The following MYRF variants were observed in gnomAD, a reference collection of about 807,000 sequenced individuals.
The protein encoded by MYRF is myelin regulatory factor.
A neutral mutation model predicts 126.3 loss-of-function variants in MYRF; 16 were observed. That is an observed-to-expected ratio of 0.13 (90% CI 0.09 to 0.19). The LOEUF is 0.19. Ranked by LOEUF, MYRF falls within the 10% of genes least tolerant of loss-of-function variation. The probability of loss-of-function intolerance (pLI) is 1.00; values close to 1 mark genes in which losing one functional copy is unlikely to be tolerated. For synonymous variants in MYRF, 608 were observed against 635.3 expected, an observed-to-expected ratio of 0.96 and a Z score of 0.65; for missense variants, 1,104 against 1,547.0, an observed-to-expected ratio of 0.71 and a Z score of 4.80.
At chr11:61,773,863 G>T (rs2066294088) in intron 7 of MYRF, 104 bp from the exon 8 acceptor site, 1 of 900,826 alleles carries the variant, frequency 1.1e-6, no homozygotes, top group East Asian at 2.6e-5. Flanking sequence ...GAGGATGCAG[G>T]GGTGTGGTGT....
rs1401819663 is a variant in MYRF at position 61,770,439 on chromosome 11, C to T, written c.654C>T (p.Ala218=). ...AGCCCCCGATCCCCCACTACGCTGC[C>T]ATGGGGCAGGGGCTGGTGCCCACTG... ...KAEPPIPHYA[A]MGQGLVPTDL... is the part of the protein sequence containing the mutation. Residue 218 remains alanine (A), a synonymous_variant, in exon 5 of 27, where the codon GCC becomes GCT. Coordinates refer to ENST00000278836, the MANE Select transcript of MYRF (RefSeq NM_001127392.3). The T allele has an allele frequency of 6.4e-7, 1 of 1,559,812 alleles. No individual in the cohort carries two copies. Among genetic ancestry groups the T allele is most frequent in the Admixed American group, 1.9e-5 (1 of 52,408 alleles).
intron 2 of MYRF, 80 bp downstream of exon 2, chr11:61,765,792 G>C: frequency 6.8e-7 from 1 of 1,479,564 alleles, no homozygotes; most frequent in Admixed American, 1.9e-5. Context: ...AGGTCTGAGG[G>C]CCGGACCTGG....
At chr11:61,760,106 T>C (rs1210049866) in intron 1 of MYRF, among the ~76,000 whole-genome samples, 1 of 151,978 alleles carries the variant, frequency 6.6e-6, no homozygotes, top group Non-Finnish European at 1.5e-5. Context: ...GTAGCTGGGA[T>C]TACAGGCACG....
chr11:61,786,001 G>A lies in MYRF; in HGVS notation c.3376-62G>A. On this transcript the variant is annotated intron_variant, in intron 26 of 26. Coordinates refer to ENST00000278836, the MANE Select transcript of MYRF (RefSeq NM_001127392.3). The surrounding 1 kb of genome is among the most constrained non-coding windows in gnomAD (Gnocchi z 4.5). ...GGCACAGTGTCAAGCAATGTCAGCA[G>A]GGAGTGCCATCTGCCCCGCACCCCC... The A allele has an allele frequency of 6.4e-7, 1 of 1,568,422 alleles. No individual in the cohort carries two copies. The highest frequency in any genetic ancestry group is 1.1e-5 in the South Asian group (1 of 90,126).
chr11:61,764,291 T>C (rs1229251983), intron 1 of MYRF, among the ~76,000 whole-genome samples: 1 of 152,198 alleles, frequency 6.6e-6, no homozygotes, highest in African/African-American at 2.4e-5. Flanking sequence ...CCCAGGGCTC[T>C]GGGGCTGGGA....
rs529469369 is a variant in MYRF, at chr11:61,774,509, G to A, written c.1311+347G>A. On this transcript the variant is annotated intron_variant, in intron 8 of 26. Coordinates refer to ENST00000278836, the MANE Select transcript of MYRF (RefSeq NM_001127392.3). Reference sequence around the variant, plus strand: ...CTGCACTCCAGCCTGGCAACAGAGCGGGACTTCATCTCAAAAAAAAAAAAG... The same window carrying A: ...CTGCACTCCAGCCTGGCAACAGAGCAGGACTTCATCTCAAAAAAAAAAAAG... 2.1e-3 allele frequency among the ~76,000 whole-genome samples: 313 copies of A among 148,786 alleles called. 1 individual carries two copies. The highest frequency in any genetic ancestry group is 4.3e-3 in the African/African-American group (177 of 40,788).
In MYRF at chr11:61,771,631, G is replaced by A. The variant is rs762351220; in HGVS notation, c.872G>A (p.Arg291Gln). 27 of 1,613,766 alleles carry A rather than the reference G, an allele frequency of 1.7e-5. No individual in the cohort carries two copies. Among genetic ancestry groups the A allele is most frequent in the South Asian group, 1.3e-4 (12 of 91,086 alleles). Residue 291 changes from arginine to glutamine, a missense_variant, in exon 6 of 27, where the codon CGA becomes CAA. Coordinates refer to ENST00000278836, the MANE Select transcript of MYRF (RefSeq NM_001127392.3). ...TVTALPLHPT[R>Q]APSPPWPPQG... is the part of the protein sequence containing the mutation. ...ACAGCCCTGCCTCTGCACCCCACTC[G>A]AGCCCCATCGCCACCCTGGCCTCCC...
At chr11:61,763,528 AC>A (rs927359264) in intron 1 of MYRF, among the ~76,000 whole-genome samples, 2 of 152,186 alleles carry the variant, frequency 1.3e-5, no homozygotes, top group African/African-American at 4.8e-5. Flanking sequence ...TGAGTAACAC[AC>A]CGCAGGTGAA....
intron 1 of MYRF, among the ~76,000 whole-genome samples, chr11:61,753,041 C>G (rs2065650076): frequency 6.6e-6 from 1 of 152,096 alleles, no homozygotes; most frequent in African/African-American, 2.4e-5. Flanking sequence ...TGTCCCCTTC[C>G]AGGTCCGGAC....
At chr11:61,765,212 C>T (rs1354739614) in intron 1 of MYRF, among the ~76,000 whole-genome samples, 1 of 152,234 alleles carries the variant, frequency 6.6e-6, no homozygotes, top group African/African-American at 2.4e-5. Context: ...TGGGCACCCA[C>T]GGGGCTCTCG....
Position 61,757,410 on chromosome 11 carries a change from G to A in MYRF, c.46+4620G>A, listed in dbSNP as rs1299704637. On this transcript the variant is annotated intron_variant, in intron 1 of 26. Transcript: ENST00000278836. This position sits in a 1 kb window ranked among gnomAD's most constrained non-coding sequence, Gnocchi z 4.7. ...GTAATGGCAGGGCCTCCGTCCCAGGGTTTCTGGGGTGATTAGGTAAGATTG... is the reference window on the plus strand; with the variant it reads ...GTAATGGCAGGGCCTCCGTCCCAGGATTTCTGGGGTGATTAGGTAAGATTG... 1 of 451,984 alleles carries A rather than the reference G, an allele frequency of 2.2e-6. No homozygotes were observed. Among genetic ancestry groups the A allele is most frequent in the Non-Finnish European group, 4.5e-6 (1 of 223,640 alleles). The allele number at this position is 451,984 out of a possible 1,614,324, so 28.0% of individuals were successfully genotyped here.
At chr11:61,755,585 G>T (rs1020793417) in intron 1 of MYRF, 3 of 1,053,720 alleles carry the variant, frequency 2.8e-6, no homozygotes, top group Non-Finnish European at 4.3e-6. Flanking sequence ...TCTGTGCCTG[G>T]CAGGGAACCC....
chr11:61,774,601 A>G (rs2066324131), intron 8 of MYRF, among the ~76,000 whole-genome samples: 1 of 149,232 alleles, frequency 6.7e-6, no homozygotes, highest in Non-Finnish European at 1.5e-5. Flanking sequence ...CCCCACTGCT[A>G]CTGCCACCCC....
chr11:61,765,056 C>T (rs2066015974), intron 1 of MYRF, among the ~76,000 whole-genome samples: 1 of 152,220 alleles, frequency 6.6e-6, no homozygotes, highest in Admixed American at 6.5e-5. Flanking sequence ...AGGAGACTCC[C>T]ACAGCCCTGT....
Position 61,779,502 on chromosome 11 carries a change from G to A in MYRF, c.2179G>A (p.Ala727Thr). 6.5e-7 allele frequency: 1 copy of A among 1,528,024 alleles called. No homozygotes were observed. Among genetic ancestry groups the A allele is most frequent in the Non-Finnish European group, 8.8e-7 (1 of 1,135,164 alleles). 94.7% of individuals were successfully genotyped at this position (1,528,024 alleles called of 1,614,324 possible). A position where few individuals can be genotyped will look rare whatever the true frequency, so the allele number is the denominator to read the frequency against. The change falls in exon 16 of 27, where the codon GCA becomes ACA. Residue 727 changes from alanine to threonine, a missense_variant. By Grantham distance (58) the Ala-to-Thr change is moderately conservative. Coordinates refer to ENST00000278836, the MANE Select transcript of MYRF (RefSeq NM_001127392.3). Reference protein sequence around the residue: ...STGSSGAFSHAGSQFSRAGSV... With the variant: ...STGSSGAFSHTGSQFSRAGSV... The stretch of plus-strand genomic sequence containing the variant: ...ATCCTGGCCCTCTTGCTGCAGCCAT[G>A]CAGGGAGCCAGTTCAGTCGGGCGGG...
At chr11:61,774,794 T>C (rs535661760) in intron 8 of MYRF, among the ~76,000 whole-genome samples, 1 of 151,480 alleles carries the variant, frequency 6.6e-6, no homozygotes, top group South Asian at 2.1e-4. Flanking sequence ...CCTGACTCTG[T>C]GCCTCCTTGC....
At position 61,770,242 on chromosome 11, in the gene MYRF, G is replaced by T. The variant is rs755451940; in HGVS notation, c.461-4G>T. On this transcript the variant is annotated splice_region_variant and splice_polypyrimidine_tract_variant and intron_variant, in intron 4 of 26. Coordinates refer to ENST00000278836, the MANE Select transcript of MYRF (RefSeq NM_001127392.3). ...AGATGCCCGCTCCCCCATCTCTCCTGCAGAGCCCCACCTCCTGCGCACGAT... is the reference window on the plus strand; with the variant it reads ...AGATGCCCGCTCCCCCATCTCTCCTTCAGAGCCCCACCTCCTGCGCACGAT... 1 of 1,600,330 alleles carries T rather than the reference G, an allele frequency of 6.2e-7. No homozygotes were observed.
At chr11:61,780,574 G>C in intron 18 of MYRF, 138 bp from the exon 19 acceptor site, 2 of 868,866 alleles carry the variant, frequency 2.3e-6, no homozygotes, top group Non-Finnish European at 3.5e-6. Context: ...ACATGGGGTA[G>C]GAGGAAGGAG....
Position 61,771,730 on chromosome 11 carries a change from C to T in MYRF, c.971C>T (p.Pro324Leu), listed in dbSNP as rs143799782. ...IARVQTPPWHPPGAPSPGLLQ... is the reference protein window; with the variant it reads ...IARVQTPPWHLPGAPSPGLLQ... ...CGTGTCCAGACACCGCCTTGGCACC[C>T]GCCAGGTGCCCCCTCCCCAGGTACA... is the stretch of plus-strand genomic sequence containing the variant. Residue 324 changes from proline (P) to leucine (L), a missense_variant, in exon 6 of 27, where the codon CCG becomes CTG. By Grantham distance (98) the Pro-to-Leu change is moderately conservative. Transcript: ENST00000278836. The T allele has an allele frequency of 3.5e-4, 569 of 1,612,016 alleles. No individual in the cohort carries two copies. The highest frequency in any genetic ancestry group is 4.6e-4 in the Non-Finnish European group (548 of 1,178,808).
Sources: gnomAD v4.1 joint callset for allele counts (sites outside exome capture counted in the v4.1 genomes callset) on GRCh38, gnomAD v4.1.1 for gene constraint, Gnocchi (gnomAD v3.1) non-coding constraint, MANE v1.5 for transcripts, NCBI Gene and HGNC (gene_info 2026-07-23, HGNC 2026-07-21) for gene names.